The following KIF6 variants were observed in gnomAD, a reference collection of about 807,000 sequenced individuals.
The protein encoded by KIF6 is kinesin family member 6.
A neutral mutation model predicts 112.7 loss-of-function variants in KIF6; 106 were observed. That is an observed-to-expected ratio of 0.94 (90% CI 0.80 to 1.11). The LOEUF (loss-of-function observed/expected upper bound fraction) is 1.11, where lower values mean the gene tolerates loss of function less well. KIF6 is among the 50% of genes least tolerant of loss of function. The probability of loss-of-function intolerance (pLI) is 0.00; values close to 1 mark genes in which losing one functional copy is unlikely to be tolerated. For missense variants in KIF6, 929 were observed against 964.0 expected (o/e 0.96, Z 0.48); for synonymous variants, 339 against 339.9 (o/e 1.00, Z 0.03).
At chr6:39,578,994 G>A (rs185963930) in intron 9 of KIF6, among the ~76,000 whole-genome samples, 4 of 152,220 alleles carry the variant, frequency 2.6e-5, no homozygotes, top group Non-Finnish European at 4.4e-5. Flanking sequence ...GTCTCCTGTT[G>A]ATGAACATTT....
chr6:39,357,254 C>T (rs1237371890), intron 19 of KIF6, 23 bp downstream of exon 19: 1 of 1,527,932 alleles, frequency 6.5e-7, no homozygotes, highest in Admixed American at 1.7e-5. Flanking sequence ...AACTCTAACA[C>T]CTCCGGTGAG....
intron 13 of KIF6, among the ~76,000 whole-genome samples, chr6:39,457,486 CA>C (rs1392031818): frequency 6.7e-6 from 1 of 148,740 alleles, no homozygotes; most frequent in Non-Finnish European, 1.5e-5. Flanking sequence ...CAAACACATT[CA>C]AAAGCTAGCA....
At chr6:39,700,841 T>C (rs1788839698) in intron 3 of KIF6, among the ~76,000 whole-genome samples, 1 of 151,922 alleles carries the variant, frequency 6.6e-6, no homozygotes, top group African/African-American at 2.4e-5. Context: ...ACCTCCCGAG[T>C]AGCTGGGACT....
intron 2 of KIF6, among the ~76,000 whole-genome samples, chr6:39,718,157 G>C (rs1222211266): frequency 1.3e-5 from 2 of 148,526 alleles, no homozygotes; most frequent in Non-Finnish European, 3.0e-5. Flanking sequence ...TTGAACCCAG[G>C]AAGCGGAGGT....
At chr6:39,373,965 C>A (rs541413578) in intron 16 of KIF6, among the ~76,000 whole-genome samples, 1 of 152,312 alleles carries the variant, frequency 6.6e-6, no homozygotes, top group East Asian at 1.9e-4. Context: ...ATTACACTCT[C>A]TGTTTTTAAA....
chr6:39,401,945 G>A (rs367932351), intron 15 of KIF6, among the ~76,000 whole-genome samples: 5 of 152,180 alleles, frequency 3.3e-5, no homozygotes, highest in Admixed American at 2.0e-4. Flanking sequence ...TCTATTGCCT[G>A]ATTTCTTATA....
At chr6:39,607,275 C>T (rs1249472419) in intron 6 of KIF6, among the ~76,000 whole-genome samples, 4 of 151,966 alleles carry the variant, frequency 2.6e-5, no homozygotes, top group Admixed American at 6.6e-5. Flanking sequence ...TTATTTTAAT[C>T]GATGTTTTAG....
At chr6:39,640,225 A>G (rs1008111831) in intron 3 of KIF6, among the ~76,000 whole-genome samples, 3 of 152,036 alleles carry the variant, frequency 2.0e-5, no homozygotes, top group Non-Finnish European at 2.9e-5. Flanking sequence ...CTAAGCACCA[A>G]CTGAAAATCC....
chr6:39,395,183 A>C (rs1768170474), intron 15 of KIF6, among the ~76,000 whole-genome samples: 1 of 152,232 alleles, frequency 6.6e-6, no homozygotes. Context: ...AATCAAAATA[A>C]TCACACAAGA....
At chr6:39,610,518 T>A (rs1783158502) in intron 6 of KIF6, among the ~76,000 whole-genome samples, 1 of 152,228 alleles carries the variant, frequency 6.6e-6, no homozygotes, top group South Asian at 2.1e-4. Flanking sequence ...AAAAAATGAT[T>A]CGTTTGTTCT....
chr6:39,357,660 G>T (rs1315663015), intron 18 of KIF6, among the ~76,000 whole-genome samples: 1 of 152,096 alleles, frequency 6.6e-6, no homozygotes, highest in Non-Finnish European at 1.5e-5. Flanking sequence ...TGTTGGCCAG[G>T]CTGGTCTCGA....
chr6:39,631,761 C>T (rs1295723325), intron 5 of KIF6, among the ~76,000 whole-genome samples: 2 of 146,840 alleles, frequency 1.4e-5, no homozygotes, highest in Non-Finnish European at 3.0e-5. Context: ...TTTTGGTATT[C>T]GGGCAATACT....
intron 1 of KIF6, among the ~76,000 whole-genome samples, chr6:39,721,973 A>AT (rs1364017508): frequency 1.3e-5 from 2 of 152,112 alleles, no homozygotes; most frequent in African/African-American, 4.8e-5. Flanking sequence ...AAGTTTGAAT[A>AT]TTTTCCTAAG....
At chr6:39,340,966 A>G (rs9471077) in intron 22 of KIF6, among the ~76,000 whole-genome samples, 76,544 of 151,926 alleles carry the variant, frequency 0.5, 21,684 homozygotes, top group African/African-American at 0.78. Context: ...CTTGTGCCCC[A>G]CACACTGTCC....
chr6:39,652,358 G>A lies in KIF6; in HGVS notation c.252-12601C>T, dbSNP rs112584839. Among the ~76,000 whole-genome samples, 392 of 152,048 alleles carry A rather than the reference G, an allele frequency of 2.6e-3. 1 individual carries two copies. Among genetic ancestry groups the A allele is most frequent in the Admixed American group, 6.7e-3 (103 of 15,266 alleles). On this transcript the variant is annotated intron_variant, in intron 3 of 22. Coordinates refer to ENST00000287152, the MANE Select transcript of KIF6 (RefSeq NM_145027.6). ...AGCCTGACCAACACGGTGAAACCCC[G>A]TCTCTACTAAAAATACAAATTAGCC...
At chr6:39,581,540 G>A (rs1457541427) in intron 9 of KIF6, among the ~76,000 whole-genome samples, 2 of 151,962 alleles carry the variant, frequency 1.3e-5, no homozygotes, top group African/African-American at 4.8e-5. Context: ...ACCTACATGA[G>A]GTAGAGCTAG....
At chr6:39,425,961 A>G (rs1770734947) in intron 14 of KIF6, among the ~76,000 whole-genome samples, 1 of 152,156 alleles carries the variant, frequency 6.6e-6, no homozygotes, top group African/African-American at 2.4e-5. Context: ...ATTCTATGTT[A>G]GAAGGATCCA....
intron 5 of KIF6, among the ~76,000 whole-genome samples, chr6:39,619,405 C>A (rs1783697390): frequency 6.6e-6 from 1 of 152,118 alleles, no homozygotes; most frequent in Non-Finnish European, 1.5e-5. Flanking sequence ...CATAAGCCTG[C>A]CATTTCAGAA....
chr6:39,449,681 C>T (rs1232664323), intron 13 of KIF6, among the ~76,000 whole-genome samples: 1 of 152,188 alleles, frequency 6.6e-6, no homozygotes, highest in Non-Finnish European at 1.5e-5. Flanking sequence ...AGTGCTCCTT[C>T]TCCAGTACAG....
Sources: gnomAD v4.1 joint callset for allele counts (sites outside exome capture counted in the v4.1 genomes callset) on GRCh38, gnomAD v4.1.1 for gene constraint, MANE v1.5 for transcripts, NCBI Gene and HGNC (gene_info 2026-07-23, HGNC 2026-07-21) for gene names.